The following HDAC9 variants were observed in gnomAD, a reference collection of about 807,000 sequenced individuals.
HDAC9 encodes histone deacetylase 9, also known as MEF-2 interacting transcription repressor (MITR) protein.
HDAC9 carries 41 observed loss-of-function variants against 139.4 expected under a neutral mutation model. The ratio of observed to expected loss-of-function variants is 0.29; its 90% confidence interval spans 0.23 to 0.38. The LOEUF is 0.38. HDAC9 is among the 10% of genes least tolerant of loss of function. The probability of loss-of-function intolerance (pLI) is 1.00; values close to 1 mark genes in which losing one functional copy is unlikely to be tolerated. For missense variants in HDAC9, 1,147 were observed against 1,297.0 expected (o/e 0.88, Z 1.78); for synonymous variants, 517 against 476.2 (o/e 1.09, Z -1.12).
At chr7:18,503,538 T>C (rs935621859) in intron 2 of HDAC9, among the ~76,000 whole-genome samples, 6 of 152,254 alleles carry the variant, frequency 3.9e-5, no homozygotes, top group African/African-American at 1.4e-4. Context: ...TATTTTCCAT[T>C]CATTATCATA....
At chr7:18,652,730 A>G (rs1490302933) in intron 11 of HDAC9, among the ~76,000 whole-genome samples, 2 of 152,084 alleles carry the variant, frequency 1.3e-5, no homozygotes, top group African/African-American at 2.4e-5. Context: ...TCTGTTTTTC[A>G]TATTCATTCC....
chr7:18,827,125 AT>A (rs1314456261), intron 17 of HDAC9, among the ~76,000 whole-genome samples: 1 of 151,722 alleles, frequency 6.6e-6, no homozygotes, highest in East Asian at 1.9e-4. Flanking sequence ...TAAATTAAAA[AT>A]AAAATAACCC....
At chr7:18,504,060 G>A (rs1167334022) in intron 2 of HDAC9, among the ~76,000 whole-genome samples, 1 of 152,162 alleles carries the variant, frequency 6.6e-6, no homozygotes, top group Non-Finnish European at 1.5e-5. Context: ...TTACCCAGAA[G>A]GTTTTCAGGG....
intron 12 of HDAC9, among the ~76,000 whole-genome samples, chr7:18,683,966 A>C (rs1157600315): frequency 6.6e-6 from 1 of 152,068 alleles, no homozygotes; most frequent in Admixed American, 6.6e-5. Context: ...AATCAAAACT[A>C]TCATGTTAGA....
At chr7:18,937,572 A>G (rs1781732592) in intron 23 of HDAC9, among the ~76,000 whole-genome samples, 1 of 152,150 alleles carries the variant, frequency 6.6e-6, no homozygotes, top group South Asian at 2.1e-4. Context: ...TTATAAGTTG[A>G]TGTTGGGGTG....
chr7:18,452,451 G>T (rs1490513073), intron 1 of HDAC9, among the ~76,000 whole-genome samples: 1 of 152,136 alleles, frequency 6.6e-6, no homozygotes, highest in East Asian at 1.9e-4. Context: ...TTTGTCAAAG[G>T]ACCTTTGTGG....
At chr7:18,838,067 C>T (rs1251450082) in intron 21 of HDAC9, among the ~76,000 whole-genome samples, 1 of 151,972 alleles carries the variant, frequency 6.6e-6, no homozygotes, top group Non-Finnish European at 1.5e-5. Context: ...CATAAGACTC[C>T]TGCCATTTTG....
chr7:18,906,079 T>C (rs1802233378), intron 22 of HDAC9, among the ~76,000 whole-genome samples: 2 of 151,654 alleles, frequency 1.3e-5, no homozygotes, highest in Admixed American at 1.3e-4. Flanking sequence ...CTTTGTCTCA[T>C]TGACCCATAA....
chr7:18,648,392 A>T, intron 10 of HDAC9, 74 bp from the exon 11 acceptor site: 1 of 1,239,656 alleles, frequency 8.1e-7, no homozygotes, highest in Non-Finnish European at 1.2e-6. Context: ...ATCTTTTCTT[A>T]AAATTGTGTG....
intron 7 of HDAC9, among the ~76,000 whole-genome samples, chr7:18,631,711 C>G (rs1344660306): frequency 6.6e-6 from 1 of 151,686 alleles, no homozygotes; most frequent in Non-Finnish European, 1.5e-5. Context: ...AAGTCCTGTT[C>G]TTTTCAAATG....
At chr7:18,932,650 C>T (rs1381458017) in intron 22 of HDAC9, among the ~76,000 whole-genome samples, 4 of 151,774 alleles carry the variant, frequency 2.6e-5, no homozygotes, top group Non-Finnish European at 4.4e-5. Flanking sequence ...TGACAAATGG[C>T]CAACACTTTG....
intron 11 of HDAC9, among the ~76,000 whole-genome samples, chr7:18,654,215 G>A (rs1464837408): frequency 6.6e-6 from 1 of 151,882 alleles, no homozygotes; most frequent in Non-Finnish European, 1.5e-5. Context: ...TTCTATCCAT[G>A]GCTTACTTGT....
intron 2 of HDAC9, among the ~76,000 whole-genome samples, chr7:18,508,956 G>A (rs1300963349): frequency 6.6e-6 from 1 of 152,124 alleles, no homozygotes; most frequent in Admixed American, 6.5e-5. Flanking sequence ...ATACACAGTC[G>A]TCGTTGGGTT....
At position 18,402,697 on chromosome 7, in the gene HDAC9, G is replaced by A. The variant is rs563807825; in HGVS notation, c.-41-93565G>A. ...AGCAGTGTGAATAATGAACATAGAG[G>A]TGAGAGACTGGTTCATATGTGGTAT... On this transcript the variant is annotated intron_variant, in intron 1 of 3. Coordinates refer to the HDAC9 transcript ENST00000413509. Among the ~76,000 whole-genome samples the A allele has an allele frequency of 1.1e-4, 16 of 152,256 alleles. No homozygotes were observed. The East Asian group carries it at 2.3e-3, about 22-fold the overall frequency.
Position 18,884,020 on chromosome 7 carries a change from A to G in HDAC9, c.2803+9424A>G, listed in dbSNP as rs554437950. Among the ~76,000 whole-genome samples, 11 of 152,320 alleles carry G rather than the reference A, an allele frequency of 7.2e-5. 2 individuals are homozygous for G. Among genetic ancestry groups the G allele is most frequent in the African/African-American group, 2.6e-4 (11 of 41,580 alleles). ...GTGAAAGATCTCCAAACTGAAAACT[A>G]TAAAATGTTGATGAAAAATATTGAA... On this transcript the variant is annotated intron_variant, in intron 22 of 25. Coordinates refer to ENST00000686413, the MANE Select transcript of HDAC9 (RefSeq NM_178425.4).
At chr7:18,559,041 T>C (rs1010997984) in intron 2 of HDAC9, among the ~76,000 whole-genome samples, 9 of 152,188 alleles carry the variant, frequency 5.9e-5, no homozygotes, top group African/African-American at 2.2e-4. Context: ...TGATTAAAGC[T>C]GCCTCTTTTT....
intron 10 of HDAC9, 38 bp from the exon 11 acceptor site, chr7:18,648,428 G>A: frequency 7.2e-7 from 1 of 1,386,148 alleles, no homozygotes; most frequent in Non-Finnish European, 1.0e-6. Flanking sequence ...GTGTGTGTGT[G>A]TGTGTATACA....
At chr7:18,257,114 ATGTATGTGTGTGTGTG>A (rs1795305918) in intron 2 of HDAC9, among the ~76,000 whole-genome samples, 1 of 75,952 alleles carries the variant, frequency 1.3e-5, no homozygotes. Flanking sequence ...GTGTGTGTGC[ATGTATGTGTGTGTGTG>A]TGTGTGTGTG....
At chr7:18,846,369 CTTA>C (rs983897079) in intron 21 of HDAC9, among the ~76,000 whole-genome samples, 2 of 152,266 alleles carry the variant, frequency 1.3e-5, no homozygotes, top group Admixed American at 1.3e-4. Context: ...AGACAAAAAA[CTTA>C]AAGGCAATAT....
Sources: allele counts gnomAD v4.1 joint callset (sites outside exome capture counted in the v4.1 genomes callset), GRCh38; gene constraint gnomAD v4.1.1; transcripts MANE v1.5; gene names NCBI Gene and HGNC (gene_info 2026-07-23, HGNC 2026-07-21).